Variants in C12orf42 observed in about 807,000 individuals in gnomAD.
C12orf42 encodes uncharacterized protein C12orf42.
C12orf42 carries 25 observed loss-of-function variants against 21.6 expected under a neutral mutation model. The observed-to-expected ratio is 1.16, with a 90% confidence interval of 0.84 to 1.62. The LOEUF is 1.62. Among genes scored for constraint, C12orf42 ranks in the 40% most tolerant of loss-of-function variants. The pLI is 0.00. For synonymous variants in C12orf42, 174 were observed against 175.0 expected (o/e 0.99, Z 0.05); for missense variants, 483 against 459.3 (o/e 1.05, Z -0.47).
At chr12:103,556,202 A>G in the C12orf42 span, among the ~76,000 whole-genome samples, 1 of 152,210 alleles carries the variant, frequency 6.6e-6, no homozygotes, top group Non-Finnish European at 1.5e-5. Context: ...TCAAAGTTAC[A>G]TGACCTCTCT....
intron 1 of C12orf42, among the ~76,000 whole-genome samples, chr12:103,487,180 A>G (rs1954890392): frequency 1.3e-5 from 2 of 152,234 alleles, no homozygotes; most frequent in African/African-American, 4.8e-5. Flanking sequence ...GTTTCAAAGA[A>G]CATCTTTATT....
At chr12:103,379,121 T>TATATGTG (rs1491319863) in intron 3 of C12orf42, among the ~76,000 whole-genome samples, 2 of 152,180 alleles carry the variant, frequency 1.3e-5, no homozygotes, top group African/African-American at 4.8e-5. Flanking sequence ...TCTGAGGTTT[T>TATATGTG]ATATGTGATC....
At chr12:103,238,047 A>C (rs949417729) in intron 10 of C12orf42, 1 of 152,242 alleles carries the variant, frequency 6.6e-6, no homozygotes, top group Non-Finnish European at 1.5e-5. Context: ...CTGCCACTAC[A>C]GAAAGACAAA....
At chr12:103,147,344 G>A in the C12orf42 span, among the ~76,000 whole-genome samples, 1 of 151,938 alleles carries the variant, frequency 6.6e-6, no homozygotes, top group African/African-American at 2.4e-5. Flanking sequence ...AGAATTTTCA[G>A]GTCAAAAATG....
chr12:103,170,124 C>A, the C12orf42 span, among the ~76,000 whole-genome samples: 1 of 152,130 alleles, frequency 6.6e-6, no homozygotes, highest in Non-Finnish European at 1.5e-5. Flanking sequence ...CTGGCTATGC[C>A]TTTGAGTCTC....
chr12:103,470,998 T>C (rs560098020), intron 2 of C12orf42, among the ~76,000 whole-genome samples: 1 of 152,312 alleles, frequency 6.6e-6, no homozygotes, highest in African/African-American at 2.4e-5. Flanking sequence ...AATTCCTGAC[T>C]CACACAATTA....
the C12orf42 span, among the ~76,000 whole-genome samples, chr12:103,135,037 T>C: frequency 7.2e-5 from 11 of 152,162 alleles, no homozygotes; most frequent in East Asian, 2.1e-3. Flanking sequence ...TGCAGCAAAA[T>C]TATCCTTCAT....
At chr12:103,404,901 CA>C (rs1434810931) in intron 2 of C12orf42, among the ~76,000 whole-genome samples, 1 of 152,220 alleles carries the variant, frequency 6.6e-6, no homozygotes, top group Non-Finnish European at 1.5e-5. Context: ...CAGGCATGCA[CA>C]CACACGCAAG....
At chr12:103,468,294 G>A (rs1369470757) in intron 2 of C12orf42, among the ~76,000 whole-genome samples, 1 of 152,186 alleles carries the variant, frequency 6.6e-6, no homozygotes, top group Non-Finnish European at 1.5e-5. Flanking sequence ...AGGAATTGAT[G>A]TACATAGTTT....
At chr12:103,084,619 A>G in the C12orf42 span, among the ~76,000 whole-genome samples, 1 of 152,196 alleles carries the variant, frequency 6.6e-6, no homozygotes, top group South Asian at 2.1e-4. Context: ...TGCATGATGA[A>G]ATTCAGAATG....
the C12orf42 span, among the ~76,000 whole-genome samples, chr12:103,068,163 T>A: frequency 1.3e-5 from 2 of 152,178 alleles, no homozygotes; most frequent in Admixed American, 1.3e-4. Context: ...GCTGCAGAAG[T>A]GGGGACTGCA....
At chr12:103,130,575 G>A in the C12orf42 span, among the ~76,000 whole-genome samples, 1 of 152,126 alleles carries the variant, frequency 6.6e-6, no homozygotes, top group Admixed American at 6.6e-5. Flanking sequence ...TAGTGTGCAG[G>A]TCATTCATTA....
intron 3 of C12orf42, among the ~76,000 whole-genome samples, chr12:103,393,853 T>C (rs1046270230): frequency 6.6e-6 from 1 of 152,218 alleles, no homozygotes; most frequent in African/African-American, 2.4e-5. Context: ...TGATTTCACC[T>C]CTGAAAAGCA....
the C12orf42 span, among the ~76,000 whole-genome samples, chr12:103,103,628 A>AT: frequency 1.3e-5 from 2 of 151,686 alleles, no homozygotes; most frequent in East Asian, 1.9e-4. Context: ...TGAGCCCAAT[A>AT]TTTTTTTTTC....
chr12:103,455,981 G>A (rs1952262990), intron 2 of C12orf42, among the ~76,000 whole-genome samples: 3 of 152,050 alleles, frequency 2.0e-5, no homozygotes, highest in South Asian at 4.1e-4. Flanking sequence ...ACAAGTTAAG[G>A]GAAGCAACTT....
At chr12:103,467,779 C>A (rs955000413) in intron 2 of C12orf42, among the ~76,000 whole-genome samples, 1 of 152,148 alleles carries the variant, frequency 6.6e-6, no homozygotes, top group African/African-American at 2.4e-5. Context: ...TGTGATCTAG[C>A]TATTCTAATT....
chr12:103,561,794 C>T, the C12orf42 span, among the ~76,000 whole-genome samples: 1 of 152,148 alleles, frequency 6.6e-6, no homozygotes, highest in Non-Finnish European at 1.5e-5. Flanking sequence ...GTCTCACTAT[C>T]GTGTTTCCCT....
At chr12:103,166,991 CTAAAT>C in the C12orf42 span, among the ~76,000 whole-genome samples, 1 of 152,146 alleles carries the variant, frequency 6.6e-6, no homozygotes, top group South Asian at 2.1e-4. Flanking sequence ...ATTTCTAGTC[CTAAAT>C]TAAATTTCTC....
chr12:103,093,321 G>A, the C12orf42 span, among the ~76,000 whole-genome samples: 4 of 152,122 alleles, frequency 2.6e-5, no homozygotes, highest in African/African-American at 9.7e-5. Context: ...GAACTGGAGA[G>A]TACATTCCAT....
Sources: allele counts gnomAD v4.1 joint callset (sites outside exome capture counted in the v4.1 genomes callset), GRCh38; gene constraint gnomAD v4.1.1; transcripts MANE v1.5; gene names NCBI Gene and HGNC (gene_info 2026-07-23, HGNC 2026-07-21).